Variants in AGPAT4 observed in about 807,000 individuals in gnomAD.
The protein encoded by AGPAT4 is 1-acyl-sn-glycerol-3-phosphate acyltransferase delta.
A neutral mutation model predicts 48.0 loss-of-function variants in AGPAT4; 15 were observed. The ratio of observed to expected loss-of-function variants is 0.31; its 90% CI spans 0.21 to 0.48. The LOEUF is 0.48. Among genes scored for constraint, AGPAT4 ranks in the 20% least tolerant of loss-of-function variants. The pLI, the probability that AGPAT4 is intolerant of heterozygous loss-of-function variation, is 0.99. For missense variants in AGPAT4, 314 were observed against 482.5 expected, an observed-to-expected ratio of 0.65 and a Z score of 3.27; for synonymous variants, 178 against 198.7, an observed-to-expected ratio of 0.90 and a Z score of 0.88.
intron 4 of AGPAT4, 158 bp downstream of exon 4, chr6:161,153,991 A>T: frequency 1.0e-6 from 1 of 970,548 alleles, no homozygotes; most frequent in Non-Finnish European, 1.6e-6. Flanking sequence ...CCCCATGGTC[A>T]CATACATCCC....
intron 1 of AGPAT4, among the ~76,000 whole-genome samples, chr6:161,271,282 G>A (rs117033886): frequency 8.0e-4 from 121 of 152,184 alleles, no homozygotes; most frequent in East Asian, 2.5e-3. Flanking sequence ...CCCTTGAACC[G>A]TCTGCCTCCT....
rs933826763 is a variant in AGPAT4, at chr6:161,165,362, T to G, written c.348+886A>C. On this transcript the variant is annotated intron_variant, in intron 3 of 8. Transcript: ENST00000320285. The surrounding 1 kb of genome is among the most constrained non-coding windows in gnomAD (Gnocchi z 5.5). ...GTTCCCTATGTCCTCCATGGCCTGA[T>G]AGCCTCTGTCTCCAATCTTCTATAT... 7.2e-5 allele frequency among the ~76,000 whole-genome samples: 11 copies of G among 152,186 alleles called. No individual in the cohort carries two copies. The highest frequency in any genetic ancestry group is 7.2e-4 in the Admixed American group (11 of 15,288).
intron 2 of AGPAT4, among the ~76,000 whole-genome samples, chr6:161,185,101 A>G (rs2114996141): frequency 6.7e-6 from 1 of 149,350 alleles, no homozygotes; most frequent in Middle Eastern, 3.4e-3. Context: ...AATGCAATGT[A>G]TGGGCCCTAT....
rs1211364249 is a variant in AGPAT4 at position 161,233,897 on chromosome 6, G to A, written c.-89-1595C>T. ...AAGGCTCCTATGAATCCCACAAGAC[G>A]AGTATTCTTATCATCCCACTTTTCA... is the stretch of plus-strand genomic sequence containing the variant. On this transcript the variant is annotated intron_variant, in intron 1 of 8. Transcript: ENST00000320285. The surrounding 1 kb of genome is among the most constrained non-coding windows in gnomAD (Gnocchi z 5.4). 2.0e-5 allele frequency among the ~76,000 whole-genome samples: 3 copies of A among 152,176 alleles called. No homozygotes were observed. Among genetic ancestry groups the A allele is most frequent in the Non-Finnish European group, 4.4e-5 (3 of 68,038 alleles).
chr6:161,185,535 AT>A (rs982206126), intron 2 of AGPAT4, among the ~76,000 whole-genome samples: 7 of 152,304 alleles, frequency 4.6e-5, no homozygotes, highest in African/African-American at 1.4e-4. Context: ...CTGGAATTCA[AT>A]TTTTACATTT....
At chr6:161,174,268 C>T (rs1207841321) in intron 2 of AGPAT4, among the ~76,000 whole-genome samples, 1 of 152,106 alleles carries the variant, frequency 6.6e-6, no homozygotes, top group Non-Finnish European at 1.5e-5. Context: ...TTTATTCTTC[C>T]TATCCATGAG....
rs1375144242 is a variant in AGPAT4 at position 161,219,872 on chromosome 6, T to TAGATAGATAGGCAGGCAGGC, written c.178+12163_178+12164insGCCTGCCTGCCTATCTATCT. ...ATAGATAGATAGATAGATAGATAGA[T>TAGATAGATAGGCAGGCAGGC]AGGCAGGCAGGCAGGCAGGCAGGCA... On this transcript the variant is annotated intron_variant, in intron 2 of 8. Coordinates refer to ENST00000320285, the MANE Select transcript of AGPAT4 (RefSeq NM_020133.3). The surrounding 1 kb of genome is among the most constrained non-coding windows in gnomAD (Gnocchi z 4.9). Among the ~76,000 whole-genome samples the TAGATAGATAGGCAGGCAGGC allele has an allele frequency of 2.5e-5, 3 of 121,238 alleles. No individual in the cohort carries two copies. Among genetic ancestry groups the TAGATAGATAGGCAGGCAGGC allele is most frequent in the South Asian group, 3.2e-4 (1 of 3,148 alleles). 79.5% of individuals were successfully genotyped at this position (121,238 alleles called of 152,430 possible).
chr6:161,259,157 TTATGA>T lies in AGPAT4; in HGVS notation c.-90+14776_-90+14780del, dbSNP rs1346456078. Among the ~76,000 whole-genome samples the T allele has an allele frequency of 1.3e-5, 2 of 152,212 alleles. No homozygotes were observed. The highest frequency in any genetic ancestry group is 2.9e-5 in the Non-Finnish European group (2 of 68,048). ...CATATTTATGGTGTACAACATAATG[TTATGA>T]TATACGTTTACACCGTGAAATGATT... On this transcript the variant is annotated intron_variant, in intron 1 of 8. Coordinates refer to ENST00000320285, the MANE Select transcript of AGPAT4 (RefSeq NM_020133.3). This position sits in a 1 kb window ranked among gnomAD's most constrained non-coding sequence, Gnocchi z 4.9.
chr6:161,238,443 C>G lies in AGPAT4; in HGVS notation c.-89-6141G>C, dbSNP rs1782371763. On this transcript the variant is annotated intron_variant, in intron 1 of 8. Transcript: ENST00000320285. The surrounding 1 kb of genome is among the most constrained non-coding windows in gnomAD (Gnocchi z 5.2). ...AAAGCCAATGAGATGGTCGTCAACT[C>G]AGTTTTCCTTCTCTACCTATCTAGA... Among the ~76,000 whole-genome samples the G allele has an allele frequency of 6.6e-6, 1 of 152,214 alleles. No homozygotes were observed. The highest frequency in any genetic ancestry group is 2.1e-4 in the South Asian group (1 of 4,830).
rs1235366226 is a variant in AGPAT4 at position 161,165,412 on chromosome 6, A to G, written c.348+836T>C. Among the ~76,000 whole-genome samples, 5 of 152,266 alleles carry G rather than the reference A, an allele frequency of 3.3e-5. No individual in the cohort carries two copies. The highest frequency in any genetic ancestry group is 2.0e-4 in the Admixed American group (3 of 15,286). On this transcript the variant is annotated intron_variant, in intron 3 of 8. Transcript: ENST00000320285. The surrounding 1 kb of genome is among the most constrained non-coding windows in gnomAD (Gnocchi z 5.5). Reference sequence around the variant, plus strand: ...TTCTAAACACCACGATTTTGTCTTCAGGGGCTACCAAAAAGCAAGGTGATT... The same window carrying G: ...TTCTAAACACCACGATTTTGTCTTCGGGGGCTACCAAAAAGCAAGGTGATT...
At position 161,221,544 on chromosome 6, in the gene AGPAT4, A is replaced by T. The variant is rs1474547073; in HGVS notation, c.178+10492T>A. The stretch of plus-strand genomic sequence containing the variant: ...GTCATTTATCACGAAACTGGACTTC[A>T]CTTTGGACTTCACCACCACAGTAGA... On this transcript the variant is annotated intron_variant, in intron 2 of 8. Coordinates refer to ENST00000320285, the MANE Select transcript of AGPAT4 (RefSeq NM_020133.3). This position sits in a 1 kb window ranked among gnomAD's most constrained non-coding sequence, Gnocchi z 4.5. Among the ~76,000 whole-genome samples, 1 of 152,218 alleles carries T rather than the reference A, an allele frequency of 6.6e-6. No homozygotes were observed. The highest frequency in any genetic ancestry group is 1.5e-5 in the Non-Finnish European group (1 of 68,048).
At chr6:161,260,501 A>G (rs943476168) in intron 1 of AGPAT4, among the ~76,000 whole-genome samples, 7 of 151,338 alleles carry the variant, frequency 4.6e-5, no homozygotes, top group African/African-American at 1.7e-4. Flanking sequence ...CTCTACTAAA[A>G]ATTAACCAGG....
At position 161,233,463 on chromosome 6, in the gene AGPAT4, T is replaced by A. The variant is rs1298891025; in HGVS notation, c.-89-1161A>T. Among the ~76,000 whole-genome samples, 1 of 152,220 alleles carries A rather than the reference T, an allele frequency of 6.6e-6. No individual in the cohort carries two copies. Among genetic ancestry groups the A allele is most frequent in the Non-Finnish European group, 1.5e-5 (1 of 68,036 alleles). On this transcript the variant is annotated intron_variant, in intron 1 of 8. Transcript: ENST00000320285. The surrounding 1 kb of genome is among the most constrained non-coding windows in gnomAD (Gnocchi z 5.4). ...GCCCTAAAATTGTTACAATCTTTTT[T>A]AATAATGAACAATCTGTATACAGAT...
chr6:161,190,484 T>G (rs1404134284), intron 2 of AGPAT4, among the ~76,000 whole-genome samples: 1 of 151,966 alleles, frequency 6.6e-6, no homozygotes, highest in East Asian at 1.9e-4. Context: ...CATAAAATAC[T>G]ATTTTATAGT....
At chr6:161,188,570 C>T (rs190211049) in intron 2 of AGPAT4, among the ~76,000 whole-genome samples, 9 of 152,248 alleles carry the variant, frequency 5.9e-5, no homozygotes, top group South Asian at 2.1e-4. Flanking sequence ...GTATGTCCCA[C>T]GCAATACTAA....
chr6:161,231,284 A>G lies in AGPAT4; in HGVS notation c.178+752T>C, dbSNP rs1782115948. 6.6e-6 allele frequency among the ~76,000 whole-genome samples: 1 copy of G among 152,178 alleles called. No homozygotes were observed. Among genetic ancestry groups the G allele is most frequent in the South Asian group, 2.1e-4 (1 of 4,830 alleles). On this transcript the variant is annotated intron_variant, in intron 2 of 8. Transcript: ENST00000320285. This position sits in a 1 kb window ranked among gnomAD's most constrained non-coding sequence, Gnocchi z 5.3. ...AATGCATTTCTGGATGTCCCAATAC[A>G]CTCACTCATCTTTTTAATTGTTGAA... is the stretch of plus-strand genomic sequence containing the variant.
In AGPAT4 at chr6:161,142,690, T is replaced by C. The variant is rs1251781857; in HGVS notation, c.844-3070A>G. 1.3e-5 allele frequency among the ~76,000 whole-genome samples: 2 copies of C among 152,022 alleles called. No individual in the cohort carries two copies. Among genetic ancestry groups the C allele is most frequent in the East Asian group, 1.9e-4 (1 of 5,170 alleles). ...AGGAAGAACAGGAAAGAACGAAGAA[T>C]AGAAGAGAAAGTTGAGGAACAGAGA... On this transcript the variant is annotated intron_variant, in intron 7 of 8. Coordinates refer to ENST00000320285, the MANE Select transcript of AGPAT4 (RefSeq NM_020133.3). This position sits in a 1 kb window ranked among gnomAD's most constrained non-coding sequence, Gnocchi z 6.4.
chr6:161,244,756 T>A lies in AGPAT4; in HGVS notation c.-89-12454A>T, dbSNP rs193033885. ...TCTGGCCTAGCCCACCTACTCTGCC[T>A]GGGTCAACTGATCCAGTAAGAGTGA... On this transcript the variant is annotated intron_variant, in intron 1 of 8. Transcript: ENST00000320285. The surrounding 1 kb of genome is among the most constrained non-coding windows in gnomAD (Gnocchi z 4.7). Among the ~76,000 whole-genome samples, 3 of 152,316 alleles carry A rather than the reference T, an allele frequency of 2.0e-5. No individual in the cohort carries two copies. In the East Asian group the frequency reaches 5.8e-4, roughly 29 times the overall value.
chr6:161,207,071 G>A (rs1781396447), intron 2 of AGPAT4, among the ~76,000 whole-genome samples: 1 of 152,134 alleles, frequency 6.6e-6, no homozygotes. Context: ...TACTGGCTAG[G>A]GACTTTTTCC....
Sources: allele counts gnomAD v4.1 joint callset (sites outside exome capture counted in the v4.1 genomes callset), GRCh38; gene constraint gnomAD v4.1.1; non-coding constraint Gnocchi (gnomAD v3.1); transcripts MANE v1.5; gene names NCBI Gene and HGNC (gene_info 2026-07-23, HGNC 2026-07-21).